CADM2: variants seen among roughly 807,000 people sequenced by gnomAD.
CADM2 encodes the protein immunoglobulin superfamily member 4D.
In CADM2, 12 loss-of-function variants were observed where a neutral mutation model predicts 49.8. That is an observed-to-expected ratio of 0.24 (90% CI 0.15 to 0.39). The LOEUF (loss-of-function observed/expected upper bound fraction) is 0.39. Ranked by LOEUF, CADM2 falls within the 10% of genes least tolerant of loss-of-function variation. The pLI is 1.00. For missense variants in CADM2, 378 were observed against 492.3 expected (o/e 0.77, Z 2.20); for synonymous variants, 214 against 175.4 (o/e 1.22, Z -1.74).
chr3:85,320,274 T>C (rs774140524), intron 1 of CADM2, among the ~76,000 whole-genome samples: 42 of 152,200 alleles, frequency 2.8e-4, no homozygotes, highest in Non-Finnish European at 5.9e-5. Context: ...TGAGATACTT[T>C]GCTCTAGAAC....
At chr3:85,488,694 G>A (rs1348140482) in intron 1 of CADM2, among the ~76,000 whole-genome samples, 2 of 152,022 alleles carry the variant, frequency 1.3e-5, no homozygotes, top group African/African-American at 4.8e-5. Flanking sequence ...ACCACGCCCA[G>A]CTAATTTTTG....
chr3:85,662,101 C>A (rs1436740669), intron 1 of CADM2, among the ~76,000 whole-genome samples: 2 of 151,958 alleles, frequency 1.3e-5, no homozygotes, highest in Non-Finnish European at 2.9e-5. Context: ...TCAGTTAAAT[C>A]TCTCAAAATG....
At chr3:86,008,978 G>A (rs957552157) in intron 8 of CADM2, among the ~76,000 whole-genome samples, 5 of 151,062 alleles carry the variant, frequency 3.3e-5, no homozygotes, top group Admixed American at 3.3e-4. Flanking sequence ...TAACGATGCA[G>A]GGTATTTGGC....
chr3:85,656,856 A>G (rs1216446931), intron 1 of CADM2, among the ~76,000 whole-genome samples: 1 of 152,126 alleles, frequency 6.6e-6, no homozygotes, highest in East Asian at 1.9e-4. Flanking sequence ...CCATTGCCTA[A>G]TAAATTAAAT....
intron 1 of CADM2, among the ~76,000 whole-genome samples, chr3:85,088,337 T>C (rs1447293357): frequency 6.6e-6 from 1 of 152,142 alleles, no homozygotes; most frequent in East Asian, 1.9e-4. Flanking sequence ...ACACCAACTG[T>C]ACAAATTTCA....
At chr3:85,706,307 A>G (rs541619691) in intron 1 of CADM2, among the ~76,000 whole-genome samples, 2 of 152,208 alleles carry the variant, frequency 1.3e-5, no homozygotes, top group African/African-American at 4.8e-5. Flanking sequence ...TTTCTATCCA[A>G]TTTGCCTGTT....
At chr3:85,925,199 A>G (rs959070767) in intron 6 of CADM2, among the ~76,000 whole-genome samples, 10 of 152,154 alleles carry the variant, frequency 6.6e-5, no homozygotes, top group African/African-American at 2.4e-4. Context: ...TATGGTGTCT[A>G]CAATATTGAG....
At chr3:85,988,648 T>C (rs1337673339) in intron 8 of CADM2, among the ~76,000 whole-genome samples, 1 of 152,170 alleles carries the variant, frequency 6.6e-6, no homozygotes, top group Admixed American at 6.6e-5. Flanking sequence ...AAAGTTACTA[T>C]AAATGCTAAC....
intron 1 of CADM2, among the ~76,000 whole-genome samples, chr3:85,552,715 C>T (rs1357878558): frequency 1.4e-5 from 2 of 139,012 alleles, no homozygotes; most frequent in African/African-American, 5.4e-5. Context: ...CTCACTCTGT[C>T]GCCCAGGCTG....
chr3:86,055,451 CTTTTTTTTTTTTTT>C (rs57606781), intron 8 of CADM2, among the ~76,000 whole-genome samples: 23 of 87,480 alleles, frequency 2.6e-4, no homozygotes, highest in Non-Finnish European at 3.6e-4. Flanking sequence ...GGCATCCCCT[CTTTTTTTTTTTTTT>C]TTTTTTTTTT....
intron 1 of CADM2, among the ~76,000 whole-genome samples, chr3:85,634,598 C>T (rs2064405334): frequency 6.6e-6 from 1 of 151,954 alleles, no homozygotes; most frequent in African/African-American, 2.4e-5. Context: ...ACATGCTTGC[C>T]ATTTTTTCAA....
chr3:85,060,895 A>G (rs535931449), intron 1 of CADM2, among the ~76,000 whole-genome samples: 51 of 152,298 alleles, frequency 3.3e-4, no homozygotes, highest in African/African-American at 8.9e-4. Flanking sequence ...ACTATTACTT[A>G]TATTAACAAT....
intron 2 of CADM2, among the ~76,000 whole-genome samples, chr3:85,742,792 C>T (rs76518221): frequency 0.018 from 2,794 of 152,280 alleles, 33 homozygotes; most frequent in Non-Finnish European, 0.031. Flanking sequence ...CAAAAGCCAT[C>T]TCTAGGACAC....
In CADM2 at chr3:85,047,830, G is replaced by T. The variant is rs564209227; in HGVS notation, c.61+88162G>T. On this transcript the variant is annotated intron_variant, in intron 1 of 9. Transcript: ENST00000383699. ...GAATATGACATACAAATTGAATTTT[G>T]AGAAATGTAAGAATTTACACTTCTT... is the stretch of plus-strand genomic sequence containing the variant. Among the ~76,000 whole-genome samples the T allele has an allele frequency of 4.6e-5, 7 of 152,178 alleles. No individual in the cohort carries two copies. In the South Asian group the frequency reaches 1.5e-3, roughly 32 times the overall value.
At chr3:85,199,370 T>TGAGAGAGAGACAGAGA (rs2041431072) in intron 1 of CADM2, among the ~76,000 whole-genome samples, 1 of 140,106 alleles carries the variant, frequency 7.1e-6, no homozygotes, top group African/African-American at 2.8e-5. Context: ...TGTGTGTGTA[T>TGAGAGAGAGACAGAGA]GAGAGAGAGA....
intron 1 of CADM2, among the ~76,000 whole-genome samples, chr3:85,095,558 G>A (rs73843287): frequency 3.0e-3 from 449 of 152,138 alleles, no homozygotes; most frequent in African/African-American, 9.5e-3. Context: ...GGTATTGTGG[G>A]GGATGGATAG....
chr3:85,658,894 A>G (rs1428831987), intron 1 of CADM2, among the ~76,000 whole-genome samples: 2 of 150,420 alleles, frequency 1.3e-5, no homozygotes, highest in Non-Finnish European at 3.0e-5. Context: ...CTACAAAAAC[A>G]TAAAGCAATT....
At chr3:86,038,240 A>G (rs1735423199) in intron 8 of CADM2, among the ~76,000 whole-genome samples, 1 of 152,230 alleles carries the variant, frequency 6.6e-6, no homozygotes, top group African/African-American at 2.4e-5. Flanking sequence ...TGTTAAATCC[A>G]TGAAGTTAGC....
At chr3:85,764,111 C>T (rs960945216) in intron 2 of CADM2, among the ~76,000 whole-genome samples, 5 of 151,862 alleles carry the variant, frequency 3.3e-5, no homozygotes, top group Admixed American at 2.0e-4. Flanking sequence ...TCTTTTCTTC[C>T]GCATTATATT....
Sources: gnomAD v4.1 joint callset for allele counts (sites outside exome capture counted in the v4.1 genomes callset) on GRCh38, gnomAD v4.1.1 for gene constraint, MANE v1.5 for transcripts, NCBI Gene and HGNC (gene_info 2026-07-23, HGNC 2026-07-21) for gene names.